The following TTC28 variants were observed in gnomAD, a reference collection of about 807,000 sequenced individuals.
TTC28 encodes the protein tetratricopeptide repeat protein 28.
TTC28 carries 61 observed loss-of-function variants against 198.0 expected under a neutral mutation model. That is an observed-to-expected ratio of 0.31 (90% CI 0.25 to 0.38). The LOEUF is 0.38. TTC28 is among the 10% of genes least tolerant of loss of function. The pLI is 1.00. For synonymous variants in TTC28, 1,171 were observed against 1,297.8 expected (o/e 0.90, Z 2.10); for missense variants, 2,678 against 3,164.0 (o/e 0.85, Z 3.69).
chr22:28,261,385 A>G (rs906720190), intron 5 of TTC28, among the ~76,000 whole-genome samples: 5 of 152,124 alleles, frequency 3.3e-5, no homozygotes, highest in African/African-American at 1.2e-4. Context: ...GGAGGCCTCA[A>G]TGAGAAAGCC....
At chr22:28,633,726 G>A (rs759250420) in intron 1 of TTC28, among the ~76,000 whole-genome samples, 4 of 152,154 alleles carry the variant, frequency 2.6e-5, no homozygotes, top group Non-Finnish European at 5.9e-5. Context: ...TTACCTCCAT[G>A]TACAGTAATA....
At chr22:28,485,188 T>A (rs1030984730) in intron 2 of TTC28, among the ~76,000 whole-genome samples, 3 of 152,104 alleles carry the variant, frequency 2.0e-5, no homozygotes, top group African/African-American at 7.2e-5. Context: ...GATGAGAAAA[T>A]TAGAAGAGAC....
At chr22:28,550,313 A>C (rs190873680) in intron 2 of TTC28, among the ~76,000 whole-genome samples, 7 of 152,246 alleles carry the variant, frequency 4.6e-5, no homozygotes, top group Non-Finnish European at 8.8e-5. Context: ...TTCCCTTTGA[A>C]AGCACAAAAT....
chr22:28,156,513 A>G (rs1199234540), intron 6 of TTC28, among the ~76,000 whole-genome samples: 1 of 152,226 alleles, frequency 6.6e-6, no homozygotes, highest in African/African-American at 2.4e-5. Flanking sequence ...CACTAAGTTT[A>G]TGGTAATTGG....
At chr22:28,026,326 A>G (rs1050849154) in intron 13 of TTC28, among the ~76,000 whole-genome samples, 1 of 152,158 alleles carries the variant, frequency 6.6e-6, no homozygotes, top group Non-Finnish European at 1.5e-5. Context: ...CCTGCCCAGC[A>G]GACAGCCTCC....
chr22:28,062,049 A>T (rs1406764778), intron 12 of TTC28, among the ~76,000 whole-genome samples: 1 of 151,560 alleles, frequency 6.6e-6, no homozygotes, highest in East Asian at 1.9e-4. Context: ...CTCAACTTTA[A>T]GTCTACTATC....
intron 2 of TTC28, among the ~76,000 whole-genome samples, chr22:28,492,355 A>G (rs563655624): frequency 3.9e-5 from 6 of 152,346 alleles, no homozygotes; most frequent in African/African-American, 1.4e-4. Context: ...TGAAATCAAG[A>G]GAGCCAAACT....
rs116211514 is a variant in TTC28 at position 28,201,176 on chromosome 22, T to A, written c.934-37577A>T. ...GTATAGGAGAAGGACTTGATCAATC[T>A]TAAAATTCATTCATTCATTCATTCA... On this transcript the variant is annotated intron_variant, in intron 5 of 22. Coordinates refer to ENST00000397906, the MANE Select transcript of TTC28 (RefSeq NM_001145418.2). Among the ~76,000 whole-genome samples, 141 of 151,574 alleles carry A rather than the reference T, an allele frequency of 9.3e-4. 1 individual carries two copies. The highest frequency in any genetic ancestry group is 3.3e-3 in the African/African-American group (134 of 41,138).
intron 2 of TTC28, among the ~76,000 whole-genome samples, chr22:28,339,942 C>G (rs1344323799): frequency 9.2e-5 from 14 of 152,158 alleles, no homozygotes; most frequent in Admixed American, 9.2e-4. Flanking sequence ...AACCCGGTAC[C>G]TCAGTTGGAA....
intron 2 of TTC28, among the ~76,000 whole-genome samples, chr22:28,396,511 T>C (rs2046819228): frequency 6.6e-6 from 1 of 152,208 alleles, no homozygotes; most frequent in Non-Finnish European, 1.5e-5. Context: ...CCCTTTTTAA[T>C]GAAGCCACAA....
chr22:28,632,770 A>T (rs2051200100), intron 1 of TTC28, among the ~76,000 whole-genome samples: 2 of 108,628 alleles, frequency 1.8e-5, no homozygotes, highest in African/African-American at 3.9e-5. Flanking sequence ...TAAGTTATTA[A>T]AAAAAAAAAA....
intron 5 of TTC28, among the ~76,000 whole-genome samples, chr22:28,287,698 A>C (rs1274916996): frequency 1.3e-5 from 2 of 152,148 alleles, no homozygotes; most frequent in Non-Finnish European, 2.9e-5. Context: ...AGAAAAGGTT[A>C]TGAAGGGGTT....
chr22:28,003,638 A>G (rs1937805182), intron 14 of TTC28, among the ~76,000 whole-genome samples: 1 of 152,192 alleles, frequency 6.6e-6, no homozygotes, highest in African/African-American at 2.4e-5. Context: ...ACAGCACCTA[A>G]CTGTGTGAAC....
At chr22:28,463,738 A>C (rs2047981179) in intron 2 of TTC28, among the ~76,000 whole-genome samples, 1 of 151,912 alleles carries the variant, frequency 6.6e-6, no homozygotes, top group Admixed American at 6.6e-5. Context: ...CAGGAAGGGG[A>C]ACATCACACA....
At chr22:28,500,470 A>G (rs1455327423) in intron 2 of TTC28, among the ~76,000 whole-genome samples, 1 of 152,198 alleles carries the variant, frequency 6.6e-6, no homozygotes, top group African/African-American at 2.4e-5. Flanking sequence ...TGTTGAGTAC[A>G]TGTAATAATC....
chr22:28,537,779 T>C (rs1351308905), intron 2 of TTC28, among the ~76,000 whole-genome samples: 2 of 152,178 alleles, frequency 1.3e-5, no homozygotes, highest in Non-Finnish European at 2.9e-5. Context: ...AATACATCTA[T>C]ATGTTCGCTA....
At chr22:28,304,975 T>TTATTTA (rs2045108501) in intron 3 of TTC28, among the ~76,000 whole-genome samples, 1 of 134,186 alleles carries the variant, frequency 7.5e-6, no homozygotes, top group Non-Finnish European at 1.6e-5. Context: ...TTATTTATTA[T>TTATTTA]TTATTTATTT....
intron 5 of TTC28, among the ~76,000 whole-genome samples, chr22:28,284,923 A>T (rs75126283): frequency 2.0e-5 from 3 of 152,192 alleles, no homozygotes; most frequent in African/African-American, 7.2e-5. Flanking sequence ...AGCCATTAAG[A>T]AAAATAATAT....
chr22:28,326,916 G>T (rs1397779158), intron 2 of TTC28, among the ~76,000 whole-genome samples: 1 of 151,130 alleles, frequency 6.6e-6, no homozygotes, highest in South Asian at 2.1e-4. Flanking sequence ...TATACTAAAG[G>T]CGTTTTTAAA....
Sources: allele counts gnomAD v4.1 joint callset (sites outside exome capture counted in the v4.1 genomes callset), GRCh38; gene constraint gnomAD v4.1.1; transcripts MANE v1.5; gene names NCBI Gene and HGNC (gene_info 2026-07-23, HGNC 2026-07-21).